RMDN3: variants seen among roughly 807,000 people sequenced by gnomAD.
RMDN3 encodes regulator of microtubule dynamics protein 3.
In RMDN3, 41 loss-of-function variants were observed where a neutral mutation model predicts 61.8. That is an observed-to-expected ratio of 0.66 (90% CI 0.52 to 0.86). RMDN3 has a LOEUF of 0.86. RMDN3 is among the 40% of genes least tolerant of loss of function. The pLI, the probability that RMDN3 is intolerant of heterozygous loss-of-function variation, is 0.00. For synonymous variants in RMDN3, 247 were observed against 232.0 expected (o/e 1.06, Z -0.59); for missense variants, 557 against 585.3 (o/e 0.95, Z 0.50).
intron 6 of RMDN3, among the ~76,000 whole-genome samples, chr15:40,741,646 T>TTTTTTTTTTTTTTG (rs1897287865): frequency 1.4e-5 from 2 of 138,164 alleles, no homozygotes; most frequent in Admixed American, 1.5e-4. Context: ...TTTTTTTTTT[T>TTTTTTTTTTTTTTG]GAGACAAGAG....
chr15:40,738,515 C>G lies in RMDN3; in HGVS notation c.1033G>C (p.Gly345Arg). 1 of 1,614,124 alleles carries G rather than the reference C, an allele frequency of 6.2e-7. No homozygotes were observed. The highest frequency in any genetic ancestry group is 1.6e-4 in the Middle Eastern group (1 of 6,062). ...HESIQRRIQS[G>R]FSFKEHVDKA... ...CCTGTCCTCACCTTGAAGCTAAAGC[C>G]ACTCTGGATGCGCCTCTGGATGCTC... Residue 345 changes from glycine (G) to arginine (R), a missense_variant, in exon 8 of 13, where the codon GGC becomes CGC. Gly to Arg is a moderately radical substitution (Grantham distance 125). Coordinates refer to ENST00000338376, the MANE Select transcript of RMDN3 (RefSeq NM_018145.3).
chr15:40,750,791 T>C (rs769606050), intron 4 of RMDN3, among the ~76,000 whole-genome samples: 7 of 152,212 alleles, frequency 4.6e-5, no homozygotes, highest in Non-Finnish European at 5.9e-5. Flanking sequence ...TAGCAGCAGA[T>C]AAGGTCAGAT....
intron 8 of RMDN3, 38 bp from the exon 9 acceptor site, chr15:40,738,080 C>G: frequency 6.2e-7 from 1 of 1,603,826 alleles, no homozygotes; most frequent in Non-Finnish European, 8.5e-7. Context: ...ACATCAGACA[C>G]CAGAGTTGCT....
At chr15:40,745,304 G>T (rs767117089) in intron 4 of RMDN3, 45 bp from the exon 5 acceptor site, 5 of 1,586,742 alleles carry the variant, frequency 3.2e-6, no homozygotes, top group African/African-American at 1.3e-5. Flanking sequence ...ATTCAGCTCA[G>T]AGCCCCTAGG....
rs1286037811 is a variant in RMDN3, at chr15:40,736,371, A to T, written c.*170T>A. 5 of 595,824 alleles carry T rather than the reference A, an allele frequency of 8.4e-6. No individual in the cohort carries two copies. Among genetic ancestry groups the T allele is most frequent in the Non-Finnish European group, 1.5e-5 (5 of 333,298 alleles). The allele number at this position is 595,824 out of a possible 1,614,324, so 36.9% of individuals were successfully genotyped here. A position where few individuals can be genotyped will look rare whatever the true frequency, so the allele number is the denominator to read the frequency against. On this transcript the variant is annotated 3_prime_UTR_variant, in exon 13 of 13. Transcript: ENST00000338376. ...ATGAGTACTGCCCCAATTCTAGATT[A>T]GGTTAGAGGTTAGAATAAATTAACT...
Position 40,746,360 on chromosome 15 carries a change from C to CA in RMDN3, c.525-1102dup, listed in dbSNP as rs1269261602. ...GAAACCCTGTCTCTACTAAAAAATA[C>CA]AAAAAATTAGCCAGGCATGGTGGCA... On this transcript the variant is annotated intron_variant, in intron 4 of 12. Coordinates refer to ENST00000338376, the MANE Select transcript of RMDN3 (RefSeq NM_018145.3). Among the ~76,000 whole-genome samples the CA allele has an allele frequency of 2.0e-5, 3 of 151,736 alleles. No individual in the cohort carries two copies. In the East Asian group the frequency reaches 5.8e-4, roughly 29 times the overall value.
intron 7 of RMDN3, 152 bp from the exon 8 acceptor site, chr15:40,738,728 A>C: frequency 1.5e-6 from 1 of 684,910 alleles, no homozygotes; most frequent in Non-Finnish European, 2.6e-6. Flanking sequence ...CGTAATCCCC[A>C]TTCTTTACGG....
chr15:40,739,966 C>T (rs914031904), intron 7 of RMDN3, among the ~76,000 whole-genome samples, 167 bp downstream of exon 7: 1 of 152,206 alleles, frequency 6.6e-6, no homozygotes, highest in Non-Finnish European at 1.5e-5. Flanking sequence ...CAGAAACTTC[C>T]CTTGTCTCTG....
Position 40,737,131 on chromosome 15 carries a change from G to C in RMDN3, c.1352C>G (p.Thr451Arg). 6.2e-7 allele frequency: 1 copy of C among 1,613,948 alleles called. No homozygotes were observed. The highest frequency in any genetic ancestry group is 8.5e-7 in the Non-Finnish European group (1 of 1,179,830). The change falls in exon 12 of 13, where the codon ACG (threonine) becomes AGG (arginine). Residue 451 changes from threonine (T) to arginine (R), a missense_variant. By Grantham distance (71) the Thr-to-Arg change is moderately conservative (BLOSUM62 -1). Transcript: ENST00000338376. ...MKLALELPDV[T>R]KEDLAIQKDL... ...AGTATTAAAAAGCCTTACCTCCTTCGTGACATCTGGCAGCTCCAGGGCCAA... is the reference window on the plus strand; with the variant it reads ...AGTATTAAAAAGCCTTACCTCCTTCCTGACATCTGGCAGCTCCAGGGCCAA...
chr15:40,737,817 G>A (rs537754484), intron 9 of RMDN3, 91 bp from the exon 10 acceptor site: 53 of 1,487,500 alleles, frequency 3.6e-5, no homozygotes, highest in East Asian at 2.0e-4. Context: ...AGGGTCAAAC[G>A]GGGCTGGGTC....
chr15:40,752,207 GAC>G, intron 2 of RMDN3, 29 bp from the exon 3 acceptor site: 1 of 1,602,454 alleles, frequency 6.2e-7, no homozygotes. Flanking sequence ...GGGAGCCAGT[GAC>G]ACACAGGAAT....
intron 5 of RMDN3, 27 bp from the exon 6 acceptor site, chr15:40,744,176 G>T: frequency 1.2e-6 from 2 of 1,606,488 alleles, no homozygotes; most frequent in Non-Finnish European, 1.7e-6. Flanking sequence ...AACGGGTGAG[G>T]CCCCTTTTTC....
At position 40,751,536 on chromosome 15, in the gene RMDN3, C is replaced by T; in HGVS notation, c.414G>A (p.Arg138=). ...CCCGGACAAACGGAAACCTTCGCCG[C>T]CGAGCCACTCTCTGGTTCTCTTCCA... is the stretch of plus-strand genomic sequence containing the variant. ...CHMEENQRVA[R]RRRFPFVRER... Residue 138 remains arginine, a synonymous_variant, in exon 4 of 13, where the codon CGG becomes CGA. Transcript: ENST00000338376. The T allele has an allele frequency of 1.2e-6, 2 of 1,614,186 alleles. No individual in the cohort carries two copies. The highest frequency in any genetic ancestry group is 8.5e-7 in the Non-Finnish European group (1 of 1,180,042).
At chr15:40,744,007 T>C (rs754677686) in intron 6 of RMDN3, 40 bp downstream of exon 6, 10 of 1,551,162 alleles carry the variant, frequency 6.4e-6, no homozygotes, top group Non-Finnish European at 8.8e-6. Flanking sequence ...CACCCCTGAA[T>C]CAGTCAGTCA....
intron 2 of RMDN3, among the ~76,000 whole-genome samples, chr15:40,752,641 C>T (rs1342837208): frequency 6.6e-6 from 1 of 152,056 alleles, no homozygotes; most frequent in Non-Finnish European, 1.5e-5. Flanking sequence ...GAGTTTCTCC[C>T]AGAACTTCAT....
intron 4 of RMDN3, among the ~76,000 whole-genome samples, chr15:40,750,941 G>A (rs565444637): frequency 6.6e-6 from 1 of 152,148 alleles, no homozygotes. Flanking sequence ...CAGCTGCCCC[G>A]CCTCACAGAA....
rs1567060201 is a variant in RMDN3 at position 40,736,547 on chromosome 15, T to TCGTAAAATGACTTC, written c.1393_1406dup (p.Asp470LysfsTer16). The TCGTAAAATGACTTC allele has an allele frequency of 6.2e-7, 1 of 1,614,020 alleles. No individual in the cohort carries two copies. The highest frequency in any genetic ancestry group is 1.1e-5 in the South Asian group (1 of 91,076). On this transcript the variant is annotated frameshift_variant, in exon 13 of 13. Transcript: ENST00000338376. LOFTEE classifies it high-confidence loss of function. ...GAAGGCCAGTGAAACGTGGTTAGTCTCGTAAAATGACTTCCAGTTCTTCCA... is the reference window on the plus strand; with the variant it reads ...GAAGGCCAGTGAAACGTGGTTAGTCTCGTAAAATGACTTCCGTAAAATGACTTCCAGTTCTTCCA...
chr15:40,741,281 G>T (rs1897266596), intron 6 of RMDN3, among the ~76,000 whole-genome samples: 1 of 152,028 alleles, frequency 6.6e-6, no homozygotes, highest in Non-Finnish European at 1.5e-5. Flanking sequence ...GCCAAGGAGA[G>T]GATAGCTTGG....
rs748365367 is a variant in RMDN3 at position 40,754,631 on chromosome 15, C to G, written c.153G>C (p.Leu51=). 18 of 1,613,916 alleles carry G rather than the reference C, an allele frequency of 1.1e-5. No homozygotes were observed. The highest frequency in any genetic ancestry group is 1.5e-5 in the Non-Finnish European group (18 of 1,179,956). The stretch of plus-strand genomic sequence containing the variant: ...CGGGATCTGAAGTCTGCGTATAGTC[C>G]AGGGAGTTGGGCAGGCTCTGGCTGC... ...HGRSQSLPNS[L]DYTQTSDPGR... is the part of the protein sequence containing the mutation. The change falls in exon 2 of 13, where the codon CTG becomes CTC. Residue 51 remains leucine (L), a synonymous_variant. Coordinates refer to ENST00000338376, the MANE Select transcript of RMDN3 (RefSeq NM_018145.3).
Sources: allele counts gnomAD v4.1 joint callset (sites outside exome capture counted in the v4.1 genomes callset), GRCh38; gene constraint gnomAD v4.1.1; transcripts MANE v1.5; gene names NCBI Gene and HGNC (gene_info 2026-07-23, HGNC 2026-07-21).